The following PIEZO2 variants were observed in gnomAD, a reference collection of about 807,000 sequenced individuals.
PIEZO2 encodes the protein piezo type mechanosensitive ion channel component 2.
Under a neutral mutation model 337.3 loss-of-function variants are expected in PIEZO2, and 172 were observed. That is an observed-to-expected ratio of 0.51 (90% confidence interval 0.45 to 0.58). The LOEUF is 0.58. Ranked by LOEUF, PIEZO2 falls within the 20% of genes least tolerant of loss-of-function variation. The pLI, the probability that PIEZO2 is intolerant of heterozygous loss-of-function variation, is 0.00. For synonymous variants in PIEZO2, 1,251 were observed against 1,228.5 expected (o/e 1.02, Z -0.38); for missense variants, 3,028 against 3,391.3 (o/e 0.89, Z 2.66).
intron 7 of PIEZO2, among the ~76,000 whole-genome samples, chr18:10,810,139 T>A (rs555246240): frequency 5.3e-5 from 8 of 152,186 alleles, no homozygotes; most frequent in Non-Finnish European, 8.8e-5. Context: ...CCTAATAAAA[T>A]CTAATAATGT....
At chr18:10,695,952 T>G (rs141278692) in intron 47 of PIEZO2, 122 bp downstream of exon 47, 4 of 920,198 alleles carry the variant, frequency 4.3e-6, no homozygotes, top group Non-Finnish European at 7.0e-6. Context: ...CTACCCGTGG[T>G]GCTGCTGTGC....
intron 4 of PIEZO2, among the ~76,000 whole-genome samples, chr18:10,886,407 T>C (rs1218907815): frequency 1.6e-5 from 1 of 60,788 alleles, no homozygotes; most frequent in African/African-American, 9.1e-5. Flanking sequence ...TATATATATA[T>C]ATATATATAT....
At chr18:10,711,646 C>T (rs1346258786) in intron 39 of PIEZO2, among the ~76,000 whole-genome samples, 1 of 151,856 alleles carries the variant, frequency 6.6e-6, no homozygotes, top group African/African-American at 2.4e-5. Context: ...CAAAATGAAG[C>T]AAGAAGGGAG....
Position 10,670,652 on chromosome 18 carries a change from G to T in PIEZO2, c.*875C>A, listed in dbSNP as rs142683376. The stretch of plus-strand genomic sequence containing the variant: ...AATGGGAAAAAGCACGTTAAGGGAA[G>T]GGGAAGGCAGAAGAGCGGTCCTGAC... On this transcript the variant is annotated 3_prime_UTR_variant, in exon 56 of 56. Coordinates refer to ENST00000674853, the MANE Select transcript of PIEZO2 (RefSeq NM_001378183.1). 4 of 152,452 alleles carry T rather than the reference G, an allele frequency of 2.6e-5. No individual in the cohort carries two copies. The highest frequency in any genetic ancestry group is 9.6e-5 in the African/African-American group (4 of 41,558). The allele number at this position is 152,452 out of a possible 1,614,324, so 9.4% of individuals were successfully genotyped here.
intron 3 of PIEZO2, among the ~76,000 whole-genome samples, chr18:10,913,404 T>C (rs1261170757): frequency 6.6e-6 from 1 of 152,112 alleles, no homozygotes; most frequent in Non-Finnish European, 1.5e-5. Flanking sequence ...GAGGGAAGGA[T>C]TGGACGGTGA....
At chr18:10,935,954 G>C (rs1043310694) in intron 3 of PIEZO2, among the ~76,000 whole-genome samples, 1 of 152,220 alleles carries the variant, frequency 6.6e-6, no homozygotes. Flanking sequence ...AGATGTGATA[G>C]TGGGCCATAA....
chr18:10,883,133 G>C (rs918158719), intron 4 of PIEZO2, among the ~76,000 whole-genome samples: 13 of 152,006 alleles, frequency 8.6e-5, no homozygotes, highest in African/African-American at 2.9e-4. Context: ...CACTGCACCA[G>C]GCCTATGTAC....
At chr18:10,823,479 T>C (rs887920197) in intron 7 of PIEZO2, among the ~76,000 whole-genome samples, 1 of 152,242 alleles carries the variant, frequency 6.6e-6, no homozygotes, top group Non-Finnish European at 1.5e-5. Context: ...TAAAGTGCCA[T>C]CTGTTATCTA....
chr18:11,080,994 A>G lies in PIEZO2; in HGVS notation c.65-14772T>C, dbSNP rs988218348. Reference sequence around the variant, plus strand: ...TGGCTAACATAATGACATGGCTACAATAACAATATTAAAAAGGAATTTGAT... The same window carrying G: ...TGGCTAACATAATGACATGGCTACAGTAACAATATTAAAAAGGAATTTGAT... On this transcript the variant is annotated intron_variant, in intron 1 of 55. Transcript: ENST00000674853. The surrounding 1 kb of genome is among the most constrained non-coding windows in gnomAD (Gnocchi z 5.4). 3.3e-5 allele frequency among the ~76,000 whole-genome samples: 5 copies of G among 152,242 alleles called. No homozygotes were observed. The highest frequency in any genetic ancestry group is 3.8e-4 in the East Asian group (2 of 5,206).
chr18:11,088,957 T>TA (rs2038989476), intron 1 of PIEZO2, among the ~76,000 whole-genome samples: 1 of 152,232 alleles, frequency 6.6e-6, no homozygotes, highest in African/African-American at 2.4e-5. Context: ...ATTAGCCAGG[T>TA]AACCATGCAA....
At chr18:10,752,912 A>G in intron 27 of PIEZO2, 33 bp from the exon 28 acceptor site, 1 of 1,512,512 alleles carries the variant, frequency 6.6e-7, no homozygotes, top group Non-Finnish European at 8.8e-7. Context: ...AAAAGACAAC[A>G]ACAACAAAAC....
rs928755434 is a variant in PIEZO2, at chr18:10,964,296, G to A, written c.286+15239C>T. On this transcript the variant is annotated intron_variant, in intron 3 of 55. Coordinates refer to ENST00000674853, the MANE Select transcript of PIEZO2 (RefSeq NM_001378183.1). The stretch of plus-strand genomic sequence containing the variant: ...TCAATTCTGAGTGTATAGCACTGAA[G>A]CAATAAGAAAAAATAGGGACAATGG... Among the ~76,000 whole-genome samples, 9 of 152,092 alleles carry A rather than the reference G, an allele frequency of 5.9e-5. No homozygotes were observed. The East Asian group carries it at 1.7e-3, about 29-fold the overall frequency.
At chr18:10,796,398 A>T (rs2039601100) in intron 12 of PIEZO2, among the ~76,000 whole-genome samples, 1 of 151,938 alleles carries the variant, frequency 6.6e-6, no homozygotes, top group Admixed American at 6.6e-5. Context: ...ATTGCAGCTA[A>T]GAAGGAATTA....
intron 1 of PIEZO2, among the ~76,000 whole-genome samples, chr18:11,113,606 A>G (rs529379713): frequency 6.6e-6 from 1 of 152,312 alleles, no homozygotes; most frequent in Admixed American, 6.5e-5. Flanking sequence ...CCTCGCAGGT[A>G]TCATGGTCAC....
chr18:10,882,885 C>T (rs1373162224), intron 4 of PIEZO2, among the ~76,000 whole-genome samples: 4 of 129,238 alleles, frequency 3.1e-5, no homozygotes, highest in Non-Finnish European at 4.7e-5. Flanking sequence ...TGTCACCAGG[C>T]TGGAGTGCAG....
At position 10,833,751 on chromosome 18, in the gene PIEZO2, T is replaced by C. The variant is rs1459120913; in HGVS notation, c.917+21602A>G. 6.6e-6 allele frequency among the ~76,000 whole-genome samples: 1 copy of C among 152,226 alleles called. No homozygotes were observed. Among genetic ancestry groups the C allele is most frequent in the Non-Finnish European group, 1.5e-5 (1 of 68,040 alleles). ...GTCAGCTTTGGGTCAAATATGTGTTTGTTCCCCAGTTTGGAGCCTCAAGAC... is the reference window on the plus strand; with the variant it reads ...GTCAGCTTTGGGTCAAATATGTGTTCGTTCCCCAGTTTGGAGCCTCAAGAC... On this transcript the variant is annotated intron_variant, in intron 7 of 55. Transcript: ENST00000674853. The surrounding 1 kb of genome is among the most constrained non-coding windows in gnomAD (Gnocchi z 4.7).
At chr18:10,791,426 T>C in intron 13 of PIEZO2, 102 bp from the exon 14 acceptor site, 2 of 1,268,444 alleles carry the variant, frequency 1.6e-6, no homozygotes, top group South Asian at 1.7e-5. Flanking sequence ...GGGAGCACAA[T>C]AAATAAACCT....
intron 36 of PIEZO2, among the ~76,000 whole-genome samples, chr18:10,718,995 A>C (rs186619970): frequency 6.7e-6 from 1 of 150,170 alleles, no homozygotes; most frequent in Non-Finnish European, 1.5e-5. Context: ...ATAAATAAAT[A>C]AATAAATAAA....
At position 10,836,509 on chromosome 18, in the gene PIEZO2, C is replaced by T. The variant is rs1002297655; in HGVS notation, c.917+18844G>A. Among the ~76,000 whole-genome samples, 3 of 152,180 alleles carry T rather than the reference C, an allele frequency of 2.0e-5. No individual in the cohort carries two copies. In the South Asian group the frequency reaches 6.2e-4, roughly 32 times the overall value. ...AAGGAGCTACAACTAGAAACCAGAT[C>T]ACTTGCAACTGTTTAATGTGAAGCT... On this transcript the variant is annotated intron_variant, in intron 7 of 55. Transcript: ENST00000674853.
Sources: gnomAD v4.1 joint callset for allele counts (sites outside exome capture counted in the v4.1 genomes callset) on GRCh38, gnomAD v4.1.1 for gene constraint, Gnocchi (gnomAD v3.1) non-coding constraint, MANE v1.5 for transcripts, NCBI Gene and HGNC (gene_info 2026-07-23, HGNC 2026-07-21) for gene names.